Variants in DHRSX observed in about 807,000 individuals in gnomAD.
DHRSX encodes polyprenol dehydrogenase.
A neutral mutation model predicts 34.0 loss-of-function variants in DHRSX; 31 were observed. That is an observed-to-expected ratio of 0.91 (90% CI 0.69 to 1.23). The LOEUF (loss-of-function observed/expected upper bound fraction) is 1.23. Among genes scored for constraint, DHRSX ranks in the 50% most tolerant of loss-of-function variants. The pLI is 0.00. For synonymous variants in DHRSX, 201 were observed against 183.8 expected, an observed-to-expected ratio of 1.09 and a Z score of -0.76; for missense variants, 414 against 428.1, an observed-to-expected ratio of 0.97 and a Z score of 0.29.
chrX:2,228,550 T>G (rs1421686214), intron 6 of DHRSX, among the ~76,000 whole-genome samples: 1 of 106,940 alleles, frequency 9.4e-6, no homozygotes, highest in Non-Finnish European at 2.0e-5. Context: ...AAAGAGAAGA[T>G]AAGAGGAAGG....
chrX:2,250,173 A>C lies in DHRSX; in HGVS notation c.597-6943T>G, dbSNP rs897554115. Among the ~76,000 whole-genome samples, 4 of 151,436 alleles carry C rather than the reference A, an allele frequency of 2.6e-5. No homozygotes were observed. In the East Asian group the frequency reaches 5.9e-4, roughly 22 times the overall value. The stretch of plus-strand genomic sequence containing the variant: ...TGAGACTCCATCTCAAAAAAAAAAA[A>C]AAAAAAAATTAAGCATTGATTCAAA... On this transcript the variant is annotated intron_variant, in intron 5 of 6. Transcript: ENST00000334651.
intron 3 of DHRSX, among the ~76,000 whole-genome samples, chrX:2,377,845 T>A (rs1472121953): frequency 6.6e-6 from 1 of 151,958 alleles, no homozygotes; most frequent in African/African-American, 2.4e-5. Context: ...TTCAAGTGAT[T>A]CTCCTGCCTC....
At chrX:2,309,469 G>A (rs986723819) in intron 3 of DHRSX, among the ~76,000 whole-genome samples, 1 of 152,010 alleles carries the variant, frequency 6.6e-6, no homozygotes, top group African/African-American at 2.4e-5. Context: ...AAAAGCAAAT[G>A]TATTTAATAC....
intron 3 of DHRSX, among the ~76,000 whole-genome samples, chrX:2,360,562 A>C (rs182005838): frequency 1.3e-5 from 2 of 152,050 alleles, no homozygotes; most frequent in South Asian, 4.2e-4. Flanking sequence ...CAGCCTGGGC[A>C]ACAGAGTGAG....
chrX:2,462,926 T>G (rs2044422903), intron 1 of DHRSX, among the ~76,000 whole-genome samples: 1 of 152,042 alleles, frequency 6.6e-6, no homozygotes, highest in Non-Finnish European at 1.5e-5. Flanking sequence ...AAGACAATGG[T>G]GTCAGGAGGT....
At chrX:2,356,327 A>G (rs940771784) in intron 3 of DHRSX, among the ~76,000 whole-genome samples, 6 of 152,174 alleles carry the variant, frequency 3.9e-5, no homozygotes, top group Admixed American at 3.9e-4. Context: ...GTGAGCCGTG[A>G]TCGTGCCACT....
chrX:2,413,179 G>A (rs760666981), intron 2 of DHRSX, among the ~76,000 whole-genome samples: 1 of 152,204 alleles, frequency 6.6e-6, no homozygotes, highest in South Asian at 2.1e-4. Context: ...TGGTGACAGA[G>A]TGAGACTCCA....
At chrX:2,354,942 A>G (rs1335900420) in intron 3 of DHRSX, among the ~76,000 whole-genome samples, 1 of 152,154 alleles carries the variant, frequency 6.6e-6, no homozygotes, top group Non-Finnish European at 1.5e-5. Flanking sequence ...GAAAATATCC[A>G]TCTTGGGACT....
Position 2,221,065 on chromosome X carries a change from A to C in DHRSX, c.969T>G (p.Thr323=), listed in dbSNP as rs144973925. Residue 323 remains threonine (T), a synonymous_variant, in exon 7 of 7, where the codon ACT becomes ACG. Transcript: ENST00000334651. ...ATCACAGGGTCACATCAAGGACCCC[A>C]GTCATCTCACAACTCTTAGACCACA... ...QQLWSKSCEM[T]GVLDVTL The C allele has an allele frequency of 9.2e-5, 148 of 1,613,894 alleles. 2 individuals are homozygous for C. In the African/African-American group the frequency reaches 1.7e-3, roughly 19 times the overall value.
At chrX:2,432,819 T>G (rs1229915290) in intron 1 of DHRSX, among the ~76,000 whole-genome samples, 1 of 152,144 alleles carries the variant, frequency 6.6e-6, no homozygotes, top group East Asian at 1.9e-4. Flanking sequence ...TTTCACTATT[T>G]AAAAAACTAC....
intron 5 of DHRSX, among the ~76,000 whole-genome samples, chrX:2,265,998 G>A: frequency 7.1e-6 from 1 of 140,416 alleles, no homozygotes; most frequent in Admixed American, 7.0e-5. Context: ...GAGCACCAGT[G>A]CTCGGCAGAC....
intron 3 of DHRSX, among the ~76,000 whole-genome samples, chrX:2,398,564 T>C (rs759818842): frequency 6.6e-6 from 1 of 152,206 alleles, no homozygotes; most frequent in Admixed American, 6.5e-5. Context: ...TGCTTATTCT[T>C]AAGTATTTAA....
chrX:2,459,428 T>C (rs1290965465), intron 1 of DHRSX, among the ~76,000 whole-genome samples: 2 of 151,584 alleles, frequency 1.3e-5, no homozygotes, highest in Admixed American at 1.3e-4. Context: ...TAATTATTAA[T>C]GTTAATTAGC....
chrX:2,392,163 G>A (rs2043342570), intron 3 of DHRSX, among the ~76,000 whole-genome samples: 1 of 152,132 alleles, frequency 6.6e-6, no homozygotes, highest in Non-Finnish European at 1.5e-5. Flanking sequence ...GGTCCTTCCT[G>A]GGGAAATGGA....
intron 6 of DHRSX, among the ~76,000 whole-genome samples, chrX:2,229,208 G>A (rs2015807469): frequency 1.3e-5 from 2 of 152,150 alleles, no homozygotes; most frequent in South Asian, 4.1e-4. Context: ...GGAAGTGGCT[G>A]GCAAGTAAAG....
chrX:2,236,481 G>C (rs2016018225), intron 6 of DHRSX, among the ~76,000 whole-genome samples: 1 of 152,086 alleles, frequency 6.6e-6, no homozygotes, highest in Non-Finnish European at 1.5e-5. Flanking sequence ...ACCCAGGCTG[G>C]AGTGCAGTGG....
chrX:2,449,736 C>T (rs754803137), intron 1 of DHRSX, among the ~76,000 whole-genome samples: 2 of 152,220 alleles, frequency 1.3e-5, no homozygotes, highest in African/African-American at 4.8e-5. Context: ...TCACTGCAGC[C>T]TCCAACTCCC....
At chrX:2,383,284 C>A (rs2043234698) in intron 3 of DHRSX, among the ~76,000 whole-genome samples, 1 of 151,760 alleles carries the variant, frequency 6.6e-6, no homozygotes, top group Admixed American at 6.6e-5. Flanking sequence ...CCAATATTTT[C>A]ATCATCACTA....
At chrX:2,262,033 T>C (rs1178207702) in intron 5 of DHRSX, among the ~76,000 whole-genome samples, 1 of 151,988 alleles carries the variant, frequency 6.6e-6, no homozygotes, top group East Asian at 1.9e-4. Context: ...CCTCCTCCCT[T>C]CTCCCAGGCC....
Sources: gnomAD v4.1 joint callset for allele counts (sites outside exome capture counted in the v4.1 genomes callset) on GRCh38, gnomAD v4.1.1 for gene constraint, MANE v1.5 for transcripts, NCBI Gene and HGNC (gene_info 2026-07-23, HGNC 2026-07-21) for gene names.